CARD8: variants seen among roughly 807,000 people sequenced by gnomAD.
CARD8 encodes the protein caspase recruitment domain-containing protein 8.
In CARD8, 38 loss-of-function variants were observed where a neutral mutation model predicts 53.2. The ratio of observed to expected loss-of-function variants is 0.71; its 90% CI spans 0.55 to 0.94. CARD8 has a LOEUF of 0.94. Ranked by LOEUF, CARD8 falls within the 40% of genes least tolerant of loss-of-function variation. The probability of loss-of-function intolerance (pLI) is 0.00; values close to 1 mark genes in which losing one functional copy is unlikely to be tolerated. For missense variants in CARD8, 561 were observed against 655.5 expected (o/e 0.86, Z 1.57); for synonymous variants, 245 against 244.9 (o/e 1.00, Z 0.00).
chr19:48,232,416 C>T lies in CARD8; in HGVS notation c.391+37G>A, dbSNP rs1194150107. The T allele has an allele frequency of 7.9e-6, 12 of 1,512,870 alleles. 1 individual carries two copies. The South Asian group carries it at 1.2e-4, about 15-fold the overall frequency. The allele number at this position is 1,512,870 out of a possible 1,614,324, so 93.7% of individuals were successfully genotyped here. On this transcript the variant is annotated intron_variant, in intron 7 of 13. Transcript: ENST00000651546. ...AAATCACAGAACATTTCCATCAATC[C>T]ACACGCCCTTCACTCCTCTCCCTAT... is the stretch of plus-strand genomic sequence containing the variant.
Position 48,234,451 on chromosome 19 carries a change from A to G in CARD8, c.302T>C (p.Leu101Ser), listed in dbSNP as rs183473284. Reference sequence around the variant, plus strand: ...TTGACACTCAGGAACAGCACGGAACAATAATGGCTCTGCCTCTGTCTCATC... The same window carrying G: ...TTGACACTCAGGAACAGCACGGAACGATAATGGCTCTGCCTCTGTCTCATC... Reference protein sequence around the residue: ...EDDETEAEPLLFRAVPECQLS... With the variant: ...EDDETEAEPLSFRAVPECQLS... The change falls in exon 6 of 14, where the codon TTG becomes TCG. Residue 101 changes from leucine (L) to serine (S), a missense_variant. By Grantham distance (145) the Leu-to-Ser change is moderately radical. Transcript: ENST00000651546. 1 of 1,613,834 alleles carries G rather than the reference A, an allele frequency of 6.2e-7. No homozygotes were observed. Among genetic ancestry groups the G allele is most frequent in the Non-Finnish European group, 8.5e-7 (1 of 1,179,906 alleles).
At chr19:48,234,846 TAGGTCAACAAGTA>T (rs1269939649) in intron 5 of CARD8, among the ~76,000 whole-genome samples, 2 of 152,216 alleles carry the variant, frequency 1.3e-5, no homozygotes, top group Non-Finnish European at 2.9e-5. Flanking sequence ...GGTTTCATAA[TAGGTCAACAAGTA>T]TGTTGACCTA....
Position 48,230,460 on chromosome 19 carries a change from G to A in CARD8, c.1013C>T (p.Pro338Leu). ...TACCTTTGTTAGCAAGGCGTCGCTG[G>A]GGACAAGGTACAAGTGGAACTTAAT... is the stretch of plus-strand genomic sequence containing the variant. Reference protein sequence around the residue: ...EDIKFHLYLVPSDALLTKAID... With the variant: ...EDIKFHLYLVLSDALLTKAID... The change falls in exon 10 of 14, where the codon CCC becomes CTC. Residue 338 changes from proline (P) to leucine (L), a missense_variant. Transcript: ENST00000651546. 1 of 1,609,252 alleles carries A rather than the reference G, an allele frequency of 6.2e-7. No individual in the cohort carries two copies. The highest frequency in any genetic ancestry group is 8.5e-7 in the Non-Finnish European group (1 of 1,176,792).
rs61047810 is a variant in CARD8 at position 48,208,983 on chromosome 19, C to CAAAAAAAA, written c.*2719_*2726dup. On this transcript the variant is annotated 3_prime_UTR_variant, in exon 14 of 14. Coordinates refer to ENST00000651546, the MANE Select transcript of CARD8 (RefSeq NM_001184900.3). The stretch of plus-strand genomic sequence containing the variant: ...TAGATGACAGAGCGAGACTCCATCT[C>CAAAAAAAA]AAAAAAAAAAAAAAAAAAAAAAAAA... The CAAAAAAAA allele has an allele frequency of 2.1e-5, 1 of 48,136 alleles. No individual in the cohort carries two copies. Among genetic ancestry groups the CAAAAAAAA allele is most frequent in the African/African-American group, 8.8e-5 (1 of 11,314 alleles). 3.0% of individuals were successfully genotyped at this position (48,136 alleles called of 1,614,324 possible).
chr19:48,255,382 G>T (rs1338736931), intron 1 of CARD8, among the ~76,000 whole-genome samples: 2 of 151,848 alleles, frequency 1.3e-5, no homozygotes, highest in Non-Finnish European at 2.9e-5. Context: ...AAAAAAAATT[G>T]TTTCCCTTAG....
rs151262023 is a variant in CARD8, at chr19:48,219,404, G to A, written c.1162-392C>T. Among the ~76,000 whole-genome samples, 51 of 152,140 alleles carry A rather than the reference G, an allele frequency of 3.4e-4. No individual in the cohort carries two copies. The East Asian group carries it at 6.2e-3, about 18-fold the overall frequency. On this transcript the variant is annotated intron_variant, in intron 11 of 13. Coordinates refer to ENST00000651546, the MANE Select transcript of CARD8 (RefSeq NM_001184900.3). The stretch of plus-strand genomic sequence containing the variant: ...TCTCTCTGAGCCTCGCTGGGAAGCC[G>A]GGGTCAGATAAGCCATTTCAGGTCC...
intron 13 of CARD8, among the ~76,000 whole-genome samples, chr19:48,213,593 C>T (rs1245259758): frequency 1.3e-5 from 2 of 152,232 alleles, no homozygotes; most frequent in South Asian, 4.1e-4. Context: ...AGGCTGGTCT[C>T]AAACTCCTGA....
chr19:48,215,781 T>C (rs1431348223), intron 12 of CARD8, among the ~76,000 whole-genome samples: 1 of 152,182 alleles, frequency 6.6e-6, no homozygotes, highest in Non-Finnish European at 1.5e-5. Flanking sequence ...GTGCAGAAAT[T>C]TGGGTACCCT....
chr19:48,221,956 T>A (rs2040733167), intron 10 of CARD8, 101 bp from the exon 11 acceptor site: 2 of 867,810 alleles, frequency 2.3e-6, no homozygotes, highest in African/African-American at 3.4e-5. Flanking sequence ...GCACGTAGGC[T>A]ATGATTCAAT....
At chr19:48,229,671 C>A (rs2042467056) in intron 10 of CARD8, among the ~76,000 whole-genome samples, 1 of 152,222 alleles carries the variant, frequency 6.6e-6, no homozygotes, top group Non-Finnish European at 1.5e-5. Flanking sequence ...CAGCAACCAG[C>A]ACGTCTGCTT....
intron 10 of CARD8, among the ~76,000 whole-genome samples, chr19:48,222,510 GA>G (rs2040856373): frequency 6.6e-6 from 1 of 152,140 alleles, no homozygotes. Flanking sequence ...CCAGCATGGC[GA>G]AACCCCGTCT....
At chr19:48,252,400 AT>A (rs2047034322) in intron 1 of CARD8, among the ~76,000 whole-genome samples, 1 of 151,920 alleles carries the variant, frequency 6.6e-6, no homozygotes, top group Admixed American at 6.6e-5. Flanking sequence ...ACGTATGTAT[AT>A]GTTTTGTTAT....
intron 6 of CARD8, chr19:48,234,164 C>A: frequency 2.2e-6 from 1 of 447,534 alleles, no homozygotes; most frequent in Non-Finnish European, 4.0e-6. Context: ...ACCCACTGGT[C>A]TTCGATTGCA....
At position 48,230,926 on chromosome 19, in the gene CARD8, G is replaced by T; in HGVS notation, c.623C>A (p.Thr208Lys). 1.9e-6 allele frequency: 3 copies of T among 1,614,188 alleles called. No homozygotes were observed. Among genetic ancestry groups the T allele is most frequent in the Non-Finnish European group, 2.5e-6 (3 of 1,180,042 alleles). ...CTGACTCCAGGAACCAAACGCAATC[G>T]TCACTGTGACCTCATCCCTTACCAG... ...GFLVRDEVTV[T>K]IAFGSWSQHL... The change falls in exon 9 of 14, where the codon ACG (threonine) becomes AAG (lysine). Residue 208 changes from threonine (T) to lysine (K), a missense_variant. Physicochemically the swap from Thr to Lys is moderately conservative, Grantham distance 78. Coordinates refer to ENST00000651546, the MANE Select transcript of CARD8 (RefSeq NM_001184900.3).
At chr19:48,244,455 T>C (rs867448874) in intron 3 of CARD8, among the ~76,000 whole-genome samples, 19 of 152,032 alleles carry the variant, frequency 1.2e-4, no homozygotes, top group African/African-American at 4.1e-4. Context: ...TGAGAAAACA[T>C]AAAGAAGTCA....
downstream of CARD8, among the ~76,000 whole-genome samples, chr19:48,206,774 G>T (rs957747928): frequency 1.3e-5 from 2 of 152,066 alleles, no homozygotes; most frequent in Admixed American, 1.3e-4. Flanking sequence ...TTGTTGCTTT[G>T]TTTGTGCATT....
At chr19:48,248,417 AAAC>A (rs2046456764) in intron 3 of CARD8, among the ~76,000 whole-genome samples, 2 of 152,228 alleles carry the variant, frequency 1.3e-5, no homozygotes, top group Admixed American at 6.5e-5. Flanking sequence ...TTGAAGAAAC[AAAC>A]AACAGAGAAA....
downstream of CARD8, among the ~76,000 whole-genome samples, chr19:48,205,048 T>C (rs2037292020): frequency 6.6e-6 from 1 of 152,094 alleles, no homozygotes; most frequent in Non-Finnish European, 1.5e-5. Context: ...TTGTGAAGAG[T>C]GGGTTATTAT....
chr19:48,203,465 G>C (rs1353677684), downstream of CARD8: 1 of 152,148 alleles, frequency 6.6e-6, no homozygotes, highest in Non-Finnish European at 1.5e-5. Context: ...TTACAGTTGA[G>C]GGGTCATAAT....
Sources: gnomAD v4.1 joint callset for allele counts (sites outside exome capture counted in the v4.1 genomes callset) on GRCh38, gnomAD v4.1.1 for gene constraint, MANE v1.5 for transcripts, NCBI Gene and HGNC (gene_info 2026-07-23, HGNC 2026-07-21) for gene names.